The following SLC16A7 variants were observed in gnomAD, a reference collection of about 807,000 sequenced individuals.
The protein encoded by SLC16A7 is monocarboxylate transporter 2.
A neutral mutation model predicts 34.9 loss-of-function variants in SLC16A7; 33 were observed. The ratio of observed to expected loss-of-function variants is 0.94; its 90% CI spans 0.72 to 1.26. The LOEUF (loss-of-function observed/expected upper bound fraction) is 1.26, where lower values mean the gene tolerates loss of function less well. Among genes scored for constraint, SLC16A7 ranks in the 50% most tolerant of loss-of-function variants. SLC16A7 has a pLI of 0.00. For synonymous variants in SLC16A7, 201 were observed against 206.6 expected, an observed-to-expected ratio of 0.97 and a Z score of 0.23; for missense variants, 573 against 578.1, an observed-to-expected ratio of 0.99 and a Z score of 0.09.
chr12:59,683,807 A>G (rs187830719), intron 2 of SLC16A7, among the ~76,000 whole-genome samples: 5 of 152,336 alleles, frequency 3.3e-5, no homozygotes, highest in East Asian at 3.9e-4. Context: ...GAGAACCCAC[A>G]TATGTTGGAC....
Position 59,644,126 on chromosome 12 carries a change from G to A in SLC16A7, c.-129-11026G>A, listed in dbSNP as rs181572696. ...AAATCAAAATAGTAATATAACAGGA[G>A]AATTTATTTCATTTAGAACTTAGTA... On this transcript the variant is annotated intron_variant, in intron 1 of 5. Transcript: ENST00000547379. Among the ~76,000 whole-genome samples, 70 of 152,066 alleles carry A rather than the reference G, an allele frequency of 4.6e-4. 6 individuals are homozygous for A. The South Asian group carries it at 7.3e-3, about 16-fold the overall frequency.
At chr12:59,754,775 G>A (rs1198362141) in intron 3 of SLC16A7, among the ~76,000 whole-genome samples, 1 of 152,262 alleles carries the variant, frequency 6.6e-6, no homozygotes, top group East Asian at 1.9e-4. Flanking sequence ...GCATCATCCT[G>A]ATACCAAAGC....
At chr12:59,758,377 T>C (rs1472917506) in intron 3 of SLC16A7, among the ~76,000 whole-genome samples, 1 of 152,146 alleles carries the variant, frequency 6.6e-6, no homozygotes, top group African/African-American at 2.4e-5. Context: ...CTACTTCCTC[T>C]ACAAAGGAAG....
chr12:59,615,176 G>T (rs534955834), intron 1 of SLC16A7, among the ~76,000 whole-genome samples: 88 of 152,136 alleles, frequency 5.8e-4, no homozygotes, highest in Non-Finnish European at 1.2e-3. Context: ...ACCAGATTCT[G>T]AACCTGCCTG....
chr12:59,638,466 A>G (rs375942153), intron 1 of SLC16A7, among the ~76,000 whole-genome samples: 2 of 152,240 alleles, frequency 1.3e-5, no homozygotes, highest in East Asian at 3.9e-4. Flanking sequence ...GCTTAACTAA[A>G]TTTTCCCAAT....
chr12:59,774,296 A>ATAAG (rs1333239151), intron 4 of SLC16A7, among the ~76,000 whole-genome samples: 1 of 152,104 alleles, frequency 6.6e-6, no homozygotes, highest in Non-Finnish European at 1.5e-5. Context: ...ATATGTGTAT[A>ATAAG]TAAGTATATG....
At chr12:59,642,110 G>A (rs1314619169) in intron 1 of SLC16A7, among the ~76,000 whole-genome samples, 1 of 151,858 alleles carries the variant, frequency 6.6e-6, no homozygotes, top group Non-Finnish European at 1.5e-5. Context: ...TTACATTCTG[G>A]AGACAAAGTT....
chr12:59,637,370 A>G (rs1880475748), intron 1 of SLC16A7, among the ~76,000 whole-genome samples: 1 of 151,682 alleles, frequency 6.6e-6, no homozygotes, highest in East Asian at 1.9e-4. Flanking sequence ...TAAATCTAAT[A>G]ATCTGATATT....
chr12:59,765,526 G>A (rs1433933885), intron 3 of SLC16A7, among the ~76,000 whole-genome samples: 3 of 152,182 alleles, frequency 2.0e-5, no homozygotes, highest in Admixed American at 6.5e-5. Context: ...GTAAGGAAGG[G>A]ATCCAGTTTC....
intron 2 of SLC16A7, among the ~76,000 whole-genome samples, chr12:59,656,727 G>T (rs1192882336): frequency 6.6e-6 from 1 of 151,954 alleles, no homozygotes; most frequent in Admixed American, 6.6e-5. Context: ...ATGCCAAGAG[G>T]TTATTAGGTC....
Position 59,726,055 on chromosome 12 carries a change from C to G in SLC16A7, c.217+21037C>G, listed in dbSNP as rs140717806. Among the ~76,000 whole-genome samples, 318 of 152,192 alleles carry G rather than the reference C, an allele frequency of 2.1e-3. 1 individual carries two copies. The highest frequency in any genetic ancestry group is 6.9e-3 in the African/African-American group (286 of 41,540). ...GGAATATGAAGAAGCAATCAAAATT[C>G]AGTCAGTGGTTAGATTTCAGAAGCA... On this transcript the variant is annotated intron_variant, in intron 3 of 5. Transcript: ENST00000547379.
Position 59,786,593 on chromosome 12 carries a change from TTTTGA to T in SLC16A7, c.*6919_*6923del, listed in dbSNP as rs950050702. On this transcript the variant is annotated 3_prime_UTR_variant, in exon 6 of 6. Coordinates refer to ENST00000547379, the MANE Select transcript of SLC16A7 (RefSeq NM_001270623.2). ...TTTCTAAACATTAGATCTAATTGTA[TTTTGA>T]TTTGTTTTGATATATTTATGTCTCA... 3.3e-5 allele frequency: 5 copies of T among 152,168 alleles called. No homozygotes were observed. The highest frequency in any genetic ancestry group is 1.2e-4 in the African/African-American group (5 of 41,450). The allele number at this position is 152,168 out of a possible 1,614,324, so 9.4% of individuals were successfully genotyped here. A position where few individuals can be genotyped will look rare whatever the true frequency, so the allele number is the denominator to read the frequency against.
chr12:59,721,128 C>A (rs1180567780), intron 3 of SLC16A7, among the ~76,000 whole-genome samples: 1 of 151,954 alleles, frequency 6.6e-6, no homozygotes, highest in Non-Finnish European at 1.5e-5. Context: ...TATTATATTA[C>A]TCTAGTCCAG....
At chr12:59,598,303 T>C (rs867876853) in intron 1 of SLC16A7, among the ~76,000 whole-genome samples, 2 of 152,230 alleles carry the variant, frequency 1.3e-5, no homozygotes, top group South Asian at 2.1e-4. Flanking sequence ...TGAAGTGATA[T>C]TGGGAAGAAT....
chr12:59,662,286 G>T (rs188206806), intron 2 of SLC16A7, among the ~76,000 whole-genome samples: 1 of 152,146 alleles, frequency 6.6e-6, no homozygotes, highest in East Asian at 1.9e-4. Context: ...AGTGAAACTT[G>T]AAAATAATAT....
In SLC16A7 at chr12:59,784,371, C is replaced by T. The variant is rs1407056828; in HGVS notation, c.*4692C>T. On this transcript the variant is annotated 3_prime_UTR_variant, in exon 6 of 6. Coordinates refer to ENST00000547379, the MANE Select transcript of SLC16A7 (RefSeq NM_001270623.2). ...TAGGCAATAGAGTGAGAATCTGTCTCTATTAAAAAAAAAATAAAATGTTCT... is the reference window on the plus strand; with the variant it reads ...TAGGCAATAGAGTGAGAATCTGTCTTTATTAAAAAAAAAATAAAATGTTCT... 1 of 150,448 alleles carries T rather than the reference C, an allele frequency of 6.6e-6. No homozygotes were observed. The highest frequency in any genetic ancestry group is 1.5e-5 in the Non-Finnish European group (1 of 67,794). The allele number at this position is 150,448 out of a possible 1,614,324, so 9.3% of individuals were successfully genotyped here. A position where few individuals can be genotyped will look rare whatever the true frequency, so the allele number is the denominator to read the frequency against.
intron 1 of SLC16A7, among the ~76,000 whole-genome samples, chr12:59,639,528 T>G (rs143982311): frequency 7.1e-4 from 108 of 152,164 alleles, no homozygotes; most frequent in African/African-American, 2.6e-3. Flanking sequence ...GGACGAGAGA[T>G]GCAAGCCACC....
chr12:59,636,195 A>G (rs1880417981), intron 1 of SLC16A7, among the ~76,000 whole-genome samples: 1 of 152,104 alleles, frequency 6.6e-6, no homozygotes, highest in East Asian at 1.9e-4. Context: ...CACTTACGAT[A>G]TTTGAAGAAA....
chr12:59,784,868 G>C lies in SLC16A7; in HGVS notation c.*5189G>C, dbSNP rs182083873. 3.3e-5 allele frequency: 5 copies of C among 152,268 alleles called. No individual in the cohort carries two copies. The highest frequency in any genetic ancestry group is 2.0e-4 in the Admixed American group (3 of 15,288). 9.4% of individuals were successfully genotyped at this position (152,268 alleles called of 1,614,324 possible). A position where few individuals can be genotyped will look rare whatever the true frequency, so the allele number is the denominator to read the frequency against. On this transcript the variant is annotated 3_prime_UTR_variant, in exon 6 of 6. Transcript: ENST00000547379. ...TTCTTAAAGTGCCTGACAATATTGA[G>C]TAACAAAGCTTACCATCACCACATT...
Sources: gnomAD v4.1 joint callset for allele counts (sites outside exome capture counted in the v4.1 genomes callset) on GRCh38, gnomAD v4.1.1 for gene constraint, MANE v1.5 for transcripts, NCBI Gene and HGNC (gene_info 2026-07-23, HGNC 2026-07-21) for gene names.